The following STK3 variants were observed in gnomAD, a reference collection of about 807,000 sequenced individuals.
STK3 encodes serine/threonine kinase 3.
In STK3, 41 loss-of-function variants were observed where a neutral mutation model predicts 58.0. That is an observed-to-expected ratio of 0.71 (90% CI 0.55 to 0.92). STK3 has a LOEUF of 0.92. Among genes scored for constraint, STK3 ranks in the 40% least tolerant of loss-of-function variants. STK3 has a pLI of 0.00. For missense variants in STK3, 479 were observed against 602.7 expected, an observed-to-expected ratio of 0.79 and a Z score of 2.15; for synonymous variants, 170 against 191.0, an observed-to-expected ratio of 0.89 and a Z score of 0.91.
intron 1 of STK3, among the ~76,000 whole-genome samples, chr8:98,818,393 T>A (rs1834682714): frequency 6.6e-6 from 1 of 152,240 alleles, no homozygotes; most frequent in Admixed American, 6.5e-5. Context: ...AAAGGCCGAA[T>A]GCCAATTTTG....
chr8:98,378,543 T>C (rs1438436365), intron 2 of STK3, among the ~76,000 whole-genome samples: 1 of 152,244 alleles, frequency 6.6e-6, no homozygotes, highest in Non-Finnish European at 1.5e-5. Context: ...GATAAAAGAA[T>C]AGTATTTGGA....
At chr8:98,715,609 A>G (rs1229947742) in intron 4 of STK3, among the ~76,000 whole-genome samples, 1 of 152,186 alleles carries the variant, frequency 6.6e-6, no homozygotes, top group Non-Finnish European at 1.5e-5. Context: ...TTAGAATGGC[A>G]ATCATTAAAA....
intron 6 of STK3, among the ~76,000 whole-genome samples, chr8:98,660,813 T>G (rs1821913724): frequency 6.6e-6 from 1 of 151,858 alleles, no homozygotes. Flanking sequence ...CCCTTCCCTC[T>G]TCTCTTCACT....
chr8:98,478,443 C>G (rs1006641017), intron 10 of STK3, among the ~76,000 whole-genome samples: 2 of 152,076 alleles, frequency 1.3e-5, no homozygotes, highest in African/African-American at 4.8e-5. Context: ...CTGAAACATG[C>G]GAGAGGGTTG....
At chr8:98,813,868 T>G (rs1834374962) in intron 1 of STK3, among the ~76,000 whole-genome samples, 2 of 152,214 alleles carry the variant, frequency 1.3e-5, no homozygotes, top group South Asian at 4.1e-4. Flanking sequence ...ATTCACGTCC[T>G]ATTAAAATAA....
At chr8:98,939,620 C>T (rs1840328653) in intron 1 of STK3, among the ~76,000 whole-genome samples, 1 of 152,248 alleles carries the variant, frequency 6.6e-6, no homozygotes, top group African/African-American at 2.4e-5. Flanking sequence ...AGCCAACTCA[C>T]TGCCGCGTAG....
chr8:98,743,954 T>A (rs1317697438), intron 4 of STK3, among the ~76,000 whole-genome samples: 1 of 152,110 alleles, frequency 6.6e-6, no homozygotes, highest in Admixed American at 6.5e-5. Context: ...AGAAGACATT[T>A]ATGCAGCCAA....
Position 98,486,009 on chromosome 8 carries a change from T to C in STK3, c.1318-30009A>G, listed in dbSNP as rs1048541900. 5.3e-5 allele frequency among the ~76,000 whole-genome samples: 8 copies of C among 152,046 alleles called. No homozygotes were observed. The South Asian group carries it at 6.2e-4, about 12-fold the overall frequency. On this transcript the variant is annotated intron_variant, in intron 10 of 10. Coordinates refer to ENST00000419617, the MANE Select transcript of STK3 (RefSeq NM_006281.4). ...TTGCGTAGATTAAGGACAGTAGCAA[T>C]GAAAACTGGATAAAGGAAACAGACC...
At chr8:98,653,960 G>A (rs1483067717) in intron 6 of STK3, among the ~76,000 whole-genome samples, 4 of 152,080 alleles carry the variant, frequency 2.6e-5, no homozygotes, top group Admixed American at 2.6e-4. Context: ...AGAAAAAGAG[G>A]GAATCCTCCC....
downstream of STK3, among the ~76,000 whole-genome samples, chr8:98,452,429 T>G (rs1340088021): frequency 6.6e-6 from 1 of 152,232 alleles, no homozygotes; most frequent in African/African-American, 2.4e-5. Context: ...TAAAACTATT[T>G]CTGCTAAAAT....
At chr8:98,890,237 C>T (rs1407786346) in intron 1 of STK3, among the ~76,000 whole-genome samples, 1 of 152,178 alleles carries the variant, frequency 6.6e-6, no homozygotes, top group African/African-American at 2.4e-5. Context: ...AACAAGGACG[C>T]CAACATGATT....
At chr8:98,366,647 C>T (rs1452963374), downstream of STK3, among the ~76,000 whole-genome samples, 4 of 152,184 alleles carry the variant, frequency 2.6e-5, no homozygotes, top group Non-Finnish European at 4.4e-5. Flanking sequence ...AACTAAGCTC[C>T]ATTTTATGGT....
In STK3 at chr8:98,900,657, CT is replaced by C. The variant is rs1265500795; in HGVS notation, c.-78-16824del. ...TTAAAGATTGTTATAGTTTTATATT[CT>C]TTTTTTCTTTTTTTTTTTTCTGAGA... On this transcript the variant is annotated intron_variant, in intron 1 of 1. Coordinates refer to the STK3 transcript ENST00000519420. 2.3e-4 allele frequency among the ~76,000 whole-genome samples: 35 copies of C among 149,908 alleles called. No individual in the cohort carries two copies. The East Asian group carries it at 6.1e-3, about 26-fold the overall frequency.
chr8:98,605,410 A>G (rs1816696733), intron 6 of STK3, among the ~76,000 whole-genome samples: 1 of 151,000 alleles, frequency 6.6e-6, no homozygotes, highest in African/African-American at 2.4e-5. Flanking sequence ...TCATGGTGGA[A>G]GGTGAAGGGG....
chr8:98,420,976 A>C (rs1818166816), intron 3 of STK3, among the ~76,000 whole-genome samples: 1 of 152,228 alleles, frequency 6.6e-6, no homozygotes, highest in South Asian at 2.1e-4. Flanking sequence ...CCAAGGATTC[A>C]TGGCTAAGGG....
intron 1 of STK3, among the ~76,000 whole-genome samples, chr8:98,903,098 C>T (rs1426255074): frequency 6.6e-6 from 1 of 152,204 alleles, no homozygotes; most frequent in African/African-American, 2.4e-5. Flanking sequence ...GTGTTCTAGC[C>T]ATGCGGGTCT....
chr8:98,485,236 C>T lies in STK3; in HGVS notation c.1318-29236G>A, dbSNP rs951817767. Among the ~76,000 whole-genome samples, 18 of 123,330 alleles carry T rather than the reference C, an allele frequency of 1.5e-4. No individual in the cohort carries two copies. The South Asian group carries it at 1.8e-3, about 12-fold the overall frequency. The allele number at this position is 123,330 out of a possible 152,430, so 80.9% of individuals were successfully genotyped here. A position where few individuals can be genotyped will look rare whatever the true frequency, so the allele number is the denominator to read the frequency against. On this transcript the variant is annotated intron_variant, in intron 10 of 10. Coordinates refer to ENST00000419617, the MANE Select transcript of STK3 (RefSeq NM_006281.4). Reference sequence around the variant, plus strand: ...AGCCTGGGCAAAATGAGGGAAACTGCGTCTCAAAAAAAAAAAATGTATTTA... The same window carrying T: ...AGCCTGGGCAAAATGAGGGAAACTGTGTCTCAAAAAAAAAAAATGTATTTA...
chr8:98,825,638 G>T lies in STK3; in HGVS notation c.-98C>A. ...CCGGCCGAGCCTAGGGCACCACAGA[G>T]GGAAACTCTGGGAACTCGGACCAAC... On this transcript the variant is annotated 5_prime_UTR_variant, in exon 1 of 11. Transcript: ENST00000419617. The T allele has an allele frequency of 8.0e-7, 1 of 1,244,314 alleles. No homozygotes were observed. Among genetic ancestry groups the T allele is most frequent in the Non-Finnish European group, 1.0e-6 (1 of 981,912 alleles). The allele number at this position is 1,244,314 out of a possible 1,614,324, so 77.1% of individuals were successfully genotyped here. A position where few individuals can be genotyped will look rare whatever the true frequency, so the allele number is the denominator to read the frequency against.
chr8:98,916,370 C>G (rs563077739), intron 1 of STK3, among the ~76,000 whole-genome samples: 1 of 152,118 alleles, frequency 6.6e-6, no homozygotes, highest in Non-Finnish European at 1.5e-5. Flanking sequence ...GCTGAGATCA[C>G]GCCACTGCAC....
Sources: gnomAD v4.1 joint callset for allele counts (sites outside exome capture counted in the v4.1 genomes callset) on GRCh38, gnomAD v4.1.1 for gene constraint, MANE v1.5 for transcripts, NCBI Gene and HGNC (gene_info 2026-07-23, HGNC 2026-07-21) for gene names.